Variants in NRG3 observed in about 807,000 individuals in gnomAD.
NRG3 encodes the protein pro-neuregulin-3, membrane-bound isoform.
A neutral mutation model predicts 66.9 loss-of-function variants in NRG3; 31 were observed. That is an observed-to-expected ratio of 0.46 (90% CI 0.35 to 0.63). The LOEUF is 0.63. NRG3 is among the 20% of genes least tolerant of loss of function. The pLI is 0.00. For missense variants in NRG3, 910 were observed against 878.9 expected (o/e 1.04, Z -0.45); for synonymous variants, 393 against 359.4 (o/e 1.09, Z -1.06).
chr10:82,743,677 C>T lies in NRG3; in HGVS notation c.1027+5027C>T, dbSNP rs372072731. On this transcript the variant is annotated intron_variant, in intron 3 of 8. Coordinates refer to ENST00000372141, the MANE Select transcript of NRG3 (RefSeq NM_001010848.4). ...GTGCCTAGACCATCAGGCTCAGAGC[C>T]AAGTGGTGCCCCTTTGCCATATGTG... 3.5e-4 allele frequency among the ~76,000 whole-genome samples: 53 copies of T among 152,088 alleles called. 1 individual carries two copies. Among genetic ancestry groups the T allele is most frequent in the African/African-American group, 1.2e-3 (48 of 41,506 alleles).
At chr10:82,869,254 C>A (rs1258550895) in intron 4 of NRG3, among the ~76,000 whole-genome samples, 1 of 152,118 alleles carries the variant, frequency 6.6e-6, no homozygotes, top group African/African-American at 2.4e-5. Flanking sequence ...AAATTGAGTG[C>A]AAATTACAGA....
intron 1 of NRG3, among the ~76,000 whole-genome samples, chr10:82,203,088 T>C (rs1165580918): frequency 6.6e-6 from 1 of 152,158 alleles, no homozygotes; most frequent in Non-Finnish European, 1.5e-5. Context: ...AGATAATCAT[T>C]GCAGCTGTGC....
chr10:82,882,068 C>T (rs553377392), intron 4 of NRG3, among the ~76,000 whole-genome samples: 16 of 152,314 alleles, frequency 1.1e-4, no homozygotes, highest in Admixed American at 6.5e-4. Context: ...ACGTTCTCTT[C>T]TTTTAACACG....
intron 1 of NRG3, among the ~76,000 whole-genome samples, chr10:82,072,369 C>G (rs1169171921): frequency 6.6e-6 from 1 of 152,162 alleles, no homozygotes; most frequent in African/African-American, 2.4e-5. Context: ...GAGACCATAG[C>G]TAGATGGTTC....
intron 3 of NRG3, among the ~76,000 whole-genome samples, chr10:82,830,540 C>G (rs2062463939): frequency 6.6e-6 from 1 of 152,114 alleles, no homozygotes; most frequent in Admixed American, 6.5e-5. Context: ...ATCTTGATCA[C>G]AACCTAAGAC....
chr10:82,706,449 A>G (rs1049563830), intron 2 of NRG3, among the ~76,000 whole-genome samples: 1 of 152,208 alleles, frequency 6.6e-6, no homozygotes, highest in Admixed American at 6.5e-5. Context: ...TATATTAACA[A>G]AAATCATAGG....
intron 2 of NRG3, among the ~76,000 whole-genome samples, chr10:82,407,792 C>T (rs769595786): frequency 5.9e-5 from 9 of 151,818 alleles, no homozygotes; most frequent in East Asian, 1.9e-4. Flanking sequence ...AAATATAGGC[C>T]GGGTGTGGTG....
chr10:82,277,824 T>C (rs1458118744), intron 1 of NRG3, among the ~76,000 whole-genome samples: 2 of 152,126 alleles, frequency 1.3e-5, no homozygotes, highest in African/African-American at 4.8e-5. Flanking sequence ...TCCACATTTT[T>C]TTCTTCACCA....
At chr10:82,719,016 T>A (rs2057139650) in intron 2 of NRG3, among the ~76,000 whole-genome samples, 1 of 152,090 alleles carries the variant, frequency 6.6e-6, no homozygotes, top group African/African-American at 2.4e-5. Context: ...TTCAAAAACG[T>A]TTATGAGCTT....
intron 1 of NRG3, among the ~76,000 whole-genome samples, chr10:82,278,210 A>AT (rs757970784): frequency 9.2e-5 from 14 of 151,494 alleles, no homozygotes; most frequent in East Asian, 1.9e-4. Context: ...TGGACTACAT[A>AT]TTTTTTTTTA....
intron 1 of NRG3, among the ~76,000 whole-genome samples, chr10:82,075,278 ATG>A (rs1325151754): frequency 1.3e-5 from 2 of 152,122 alleles, no homozygotes; most frequent in South Asian, 2.1e-4. Flanking sequence ...ATGTGGCAGT[ATG>A]TGGTTTTTGT....
At chr10:82,954,560 AATTAATAACTAAAGGCAAAAATG>A (rs1849847677) in intron 5 of NRG3, among the ~76,000 whole-genome samples, 1 of 151,900 alleles carries the variant, frequency 6.6e-6, no homozygotes, top group Non-Finnish European at 1.5e-5. Context: ...AAAATGAATC[AATTAATAACTAAAGGCAAAAATG>A]ATAAAATGAT....
At chr10:82,121,413 G>A (rs2068080766) in intron 1 of NRG3, among the ~76,000 whole-genome samples, 3 of 152,130 alleles carry the variant, frequency 2.0e-5, no homozygotes, top group Admixed American at 1.3e-4. Flanking sequence ...GGAAGAAATA[G>A]TCCCTCAAAG....
rs77800045 is a variant in NRG3, at chr10:81,896,284, A to T, written c.823+20121A>T. ...GTTGTATGTCAATCTCTGATATCTC[A>T]ATTTCTGACACACTGAACACAAGCA... is the stretch of plus-strand genomic sequence containing the variant. On this transcript the variant is annotated intron_variant, in intron 1 of 8. Coordinates refer to ENST00000372141, the MANE Select transcript of NRG3 (RefSeq NM_001010848.4). 6.1e-3 allele frequency among the ~76,000 whole-genome samples: 931 copies of T among 152,078 alleles called. 10 individuals are homozygous for T. The highest frequency in any genetic ancestry group is 0.021 in the African/African-American group (868 of 41,484).
intron 1 of NRG3, among the ~76,000 whole-genome samples, chr10:81,984,566 A>G (rs551217329): frequency 3.3e-5 from 5 of 152,128 alleles, no homozygotes; most frequent in Non-Finnish European, 7.4e-5. Flanking sequence ...TCTTCTTAAA[A>G]TCCTGTGATA....
At chr10:82,163,810 G>C (rs1349234171) in intron 1 of NRG3, among the ~76,000 whole-genome samples, 1 of 152,046 alleles carries the variant, frequency 6.6e-6, no homozygotes, top group Non-Finnish European at 1.5e-5. Flanking sequence ...TATGCTTTTG[G>C]TACTATGGTG....
intron 3 of NRG3, among the ~76,000 whole-genome samples, chr10:82,779,129 G>A (rs940188771): frequency 1.3e-5 from 2 of 152,008 alleles, no homozygotes; most frequent in Non-Finnish European, 2.9e-5. Context: ...CAGGGGGTGG[G>A]GTGCAATGTG....
intron 3 of NRG3, among the ~76,000 whole-genome samples, chr10:82,768,975 T>G (rs185932211): frequency 3.2e-4 from 48 of 152,280 alleles, no homozygotes. Context: ...TCTATACGCT[T>G]TAAGAAGCAA....
chr10:82,986,626 A>G lies in NRG3; in HGVS notation c.*1021A>G, dbSNP rs1291603609. ...AAGGTCACTTGCATGGTGGGGTCGT[A>G]TAAAACTCTTGACACTGTCTAGACC... On this transcript the variant is annotated 3_prime_UTR_variant, in exon 9 of 9. Coordinates refer to ENST00000372141, the MANE Select transcript of NRG3 (RefSeq NM_001010848.4). The G allele has an allele frequency of 2.0e-5, 3 of 152,228 alleles. No homozygotes were observed. The highest frequency in any genetic ancestry group is 4.4e-5 in the Non-Finnish European group (3 of 68,040). The allele number at this position is 152,228 out of a possible 1,614,324, so 9.4% of individuals were successfully genotyped here.
Sources: gnomAD v4.1 joint callset for allele counts (sites outside exome capture counted in the v4.1 genomes callset) on GRCh38, gnomAD v4.1.1 for gene constraint, MANE v1.5 for transcripts, NCBI Gene and HGNC (gene_info 2026-07-23, HGNC 2026-07-21) for gene names.